The following DOCK4 variants were observed in gnomAD, a reference collection of about 807,000 sequenced individuals.
DOCK4 encodes dedicator of cytokinesis protein 4.
In DOCK4, 97 loss-of-function variants were observed where a neutral mutation model predicts 268.1. The observed-to-expected ratio is 0.36, with a 90% CI of 0.31 to 0.43. The LOEUF is 0.43. Among genes scored for constraint, DOCK4 ranks in the 20% least tolerant of loss-of-function variants. The probability of loss-of-function intolerance (pLI) is 1.00; values close to 1 mark genes in which losing one functional copy is unlikely to be tolerated. For synonymous variants in DOCK4, 954 were observed against 887.2 expected, an observed-to-expected ratio of 1.08 and a Z score of -1.34; for missense variants, 2,145 against 2,455.7, an observed-to-expected ratio of 0.87 and a Z score of 2.67.
At chr7:111,766,386 T>G (rs1797761430) in intron 38 of DOCK4, among the ~76,000 whole-genome samples, 1 of 152,154 alleles carries the variant, frequency 6.6e-6, no homozygotes, top group South Asian at 2.1e-4. Context: ...TTAGAAACCC[T>G]GAAGAACTGA....
intron 20 of DOCK4, 120 bp downstream of exon 20, chr7:111,871,870 A>G (rs1343908246): frequency 3.2e-6 from 2 of 629,760 alleles, no homozygotes; most frequent in African/African-American, 1.9e-5. Flanking sequence ...CTCAAGAGAC[A>G]CTTCAGTAGT....
intron 28 of DOCK4, 105 bp from the exon 29 acceptor site, chr7:111,809,506 T>C (rs1384619460): frequency 2.4e-5 from 22 of 903,096 alleles, no homozygotes; most frequent in Non-Finnish European, 3.1e-5. Context: ...GAGGGTATAG[T>C]TGAAGTAAGA....
intron 1 of DOCK4, among the ~76,000 whole-genome samples, chr7:112,043,460 A>C (rs1804576183): frequency 6.6e-6 from 1 of 150,376 alleles, no homozygotes; most frequent in Non-Finnish European, 1.5e-5. Flanking sequence ...GTAGATAACC[A>C]AGACATTGCC....
chr7:112,189,401 C>A (rs6971023), intron 1 of DOCK4, among the ~76,000 whole-genome samples: 2 of 151,962 alleles, frequency 1.3e-5, no homozygotes, highest in African/African-American at 2.4e-5. Flanking sequence ...CAGTACTGAC[C>A]GAAGATTTTC....
chr7:111,963,164 T>C (rs1019288185), intron 8 of DOCK4, among the ~76,000 whole-genome samples: 4 of 152,200 alleles, frequency 2.6e-5, no homozygotes, highest in African/African-American at 7.2e-5. Flanking sequence ...ACAGCTTTGT[T>C]TTCACTGGTC....
chr7:111,913,714 T>A (rs1792342463), intron 13 of DOCK4, among the ~76,000 whole-genome samples: 1 of 144,496 alleles, frequency 6.9e-6, no homozygotes, highest in Admixed American at 6.9e-5. Context: ...CGGCCACAAT[T>A]TTTTTTTTTT....
chr7:111,937,328 T>G (rs184377141), intron 11 of DOCK4, among the ~76,000 whole-genome samples: 2 of 152,338 alleles, frequency 1.3e-5, no homozygotes, highest in South Asian at 2.1e-4. Flanking sequence ...TTTTGACTGG[T>G]TAGTATTACT....
intron 8 of DOCK4, among the ~76,000 whole-genome samples, chr7:111,962,344 A>G (rs2134993362): frequency 6.6e-6 from 1 of 152,366 alleles, no homozygotes; most frequent in Non-Finnish European, 1.5e-5. Context: ...TTACTGACCA[A>G]TTATCAGGTA....
At chr7:111,901,168 T>C (rs2134418673) in intron 14 of DOCK4, among the ~76,000 whole-genome samples, 1 of 152,196 alleles carries the variant, frequency 6.6e-6, no homozygotes, top group East Asian at 1.9e-4. Flanking sequence ...ACCCTGTCTC[T>C]ACTAAAAATA....
At chr7:112,157,688 T>A (rs141280691) in intron 1 of DOCK4, among the ~76,000 whole-genome samples, 51 of 152,282 alleles carry the variant, frequency 3.3e-4, no homozygotes, top group African/African-American at 1.1e-3. Flanking sequence ...GAGCTGTCAA[T>A]GCACAGATTT....
At chr7:112,056,490 C>A (rs1313033441) in intron 1 of DOCK4, among the ~76,000 whole-genome samples, 1 of 152,088 alleles carries the variant, frequency 6.6e-6, no homozygotes, top group Non-Finnish European at 1.5e-5. Context: ...CTCATGGCTG[C>A]CTTTCCTGCA....
rs1817534879 is a variant in DOCK4 at position 112,165,556 on chromosome 7, G to GTA, written c.37+40545_37+40546insTA. On this transcript the variant is annotated intron_variant, in intron 1 of 52. Transcript: ENST00000428084. ...TGTGTGTGTGTGTGTGTGTGTGTGT[G>GTA]TGTGCGTGTGTGTGTGTATCCCATT... Among the ~76,000 whole-genome samples, 5 of 144,358 alleles carry GTA rather than the reference G, an allele frequency of 3.5e-5. No individual in the cohort carries two copies. The Admixed American group carries it at 3.6e-4, about 10-fold the overall frequency. 94.7% of individuals were successfully genotyped at this position (144,358 alleles called of 152,430 possible).
At chr7:112,022,764 G>A (rs1439769075) in intron 1 of DOCK4, among the ~76,000 whole-genome samples, 3 of 152,186 alleles carry the variant, frequency 2.0e-5, no homozygotes, top group Non-Finnish European at 4.4e-5. Context: ...CACCTGGCAA[G>A]TAGTTAGCAT....
At chr7:112,054,870 TTAAAA>T (rs1489967167) in intron 1 of DOCK4, among the ~76,000 whole-genome samples, 16 of 152,202 alleles carry the variant, frequency 1.1e-4, no homozygotes, top group Non-Finnish European at 2.1e-4. Context: ...ATATAGAAAG[TTAAAA>T]TAAACTTGTT....
chr7:112,070,817 T>C (rs530472991), intron 1 of DOCK4, among the ~76,000 whole-genome samples: 3 of 152,342 alleles, frequency 2.0e-5, no homozygotes, highest in African/African-American at 4.8e-5. Flanking sequence ...TGGCCCTGCC[T>C]TTCTCCTCCT....
chr7:111,957,276 T>G (rs1796517971), intron 8 of DOCK4, among the ~76,000 whole-genome samples: 1 of 152,156 alleles, frequency 6.6e-6, no homozygotes, highest in African/African-American at 2.4e-5. Context: ...AGGAAATGAT[T>G]TTGATTTATT....
chr7:112,096,086 T>C lies in DOCK4; in HGVS notation c.38-91955A>G, dbSNP rs376424849. Among the ~76,000 whole-genome samples, 15 of 151,794 alleles carry C rather than the reference T, an allele frequency of 9.9e-5. No individual in the cohort carries two copies. The East Asian group carries it at 2.3e-3, about 24-fold the overall frequency. On this transcript the variant is annotated intron_variant, in intron 1 of 52. Transcript: ENST00000428084. Reference sequence around the variant, plus strand: ...CCTGGGCAACAAAAGCGAGAAACTTTGTCTCGTAATAAATAAATAAATAAT... The same window carrying C: ...CCTGGGCAACAAAAGCGAGAAACTTCGTCTCGTAATAAATAAATAAATAAT...
intron 37 of DOCK4, among the ~76,000 whole-genome samples, chr7:111,769,320 T>C (rs1386187131): frequency 2.0e-5 from 3 of 152,170 alleles, no homozygotes; most frequent in African/African-American, 4.8e-5. Context: ...CGAATCAGAA[T>C]GGCTCATTCA....
At chr7:112,195,823 T>C (rs1250196419) in intron 1 of DOCK4, among the ~76,000 whole-genome samples, 3 of 152,240 alleles carry the variant, frequency 2.0e-5, no homozygotes, top group Non-Finnish European at 2.9e-5. Context: ...TTTAGGAAAA[T>C]GTTTCACAAC....
Sources: allele counts gnomAD v4.1 joint callset (sites outside exome capture counted in the v4.1 genomes callset), GRCh38; gene constraint gnomAD v4.1.1; transcripts MANE v1.5; gene names NCBI Gene and HGNC (gene_info 2026-07-23, HGNC 2026-07-21).